Variants in CCSER2 observed in about 807,000 individuals in gnomAD.
CCSER2 encodes the protein coiled-coil serine rich protein 2.
CCSER2 carries 46 observed loss-of-function variants against 92.3 expected under a neutral mutation model. The ratio of observed to expected loss-of-function variants is 0.50; its 90% confidence interval spans 0.39 to 0.64. The LOEUF (loss-of-function observed/expected upper bound fraction) is 0.64, where lower values mean the gene tolerates loss of function less well. Among genes scored for constraint, CCSER2 ranks in the 30% least tolerant of loss-of-function variants. CCSER2 has a pLI of 0.00. For missense variants in CCSER2, 1,244 were observed against 1,238.9 expected, an observed-to-expected ratio of 1.00 and a Z score of -0.06; for synonymous variants, 433 against 431.4, an observed-to-expected ratio of 1.00 and a Z score of -0.04.
chr10:84,335,226 CTCTTTTTTTTTT>C lies in CCSER2; in HGVS notation c.-40+6420_-40+6431del, dbSNP rs1265494278. Among the ~76,000 whole-genome samples the C allele has an allele frequency of 6.2e-3, 594 of 95,086 alleles. 15 individuals are homozygous for C. Among genetic ancestry groups the C allele is most frequent in the Non-Finnish European group, 5.9e-3 (268 of 45,784 alleles). The allele number at this position is 95,086 out of a possible 152,430, so 62.4% of individuals were successfully genotyped here. ...TCCCCAGCATTCTACTTCTCTCTCTCTCTTTTTTTTTTTTTTTTTTTTTTTGAGACAGGGTCT... is the reference window on the plus strand; with the variant it reads ...TCCCCAGCATTCTACTTCTCTCTCTCTTTTTTTTTTTTTGAGACAGGGTCT... On this transcript the variant is annotated intron_variant, in intron 1 of 9. Coordinates refer to ENST00000372088, the MANE Select transcript of CCSER2 (RefSeq NM_001284240.2).
intron 9 of CCSER2, among the ~76,000 whole-genome samples, chr10:84,482,195 T>G (rs140605845): frequency 6.6e-6 from 1 of 151,966 alleles, no homozygotes; most frequent in East Asian, 1.9e-4. Flanking sequence ...GGAAAAGAGA[T>G]AAGAATGAGC....
intron 1 of CCSER2, among the ~76,000 whole-genome samples, chr10:84,358,659 T>C (rs1018254393): frequency 4.1e-5 from 6 of 147,650 alleles, no homozygotes; most frequent in South Asian, 2.1e-4. Flanking sequence ...TATATATATA[T>C]ACATATACAT....
intron 3 of CCSER2, among the ~76,000 whole-genome samples, chr10:84,408,560 G>A (rs1189148276): frequency 6.6e-6 from 1 of 151,888 alleles, no homozygotes; most frequent in East Asian, 1.9e-4. Flanking sequence ...ATTAGAGTAG[G>A]CTCACTCCCA....
At position 84,442,461 on chromosome 10, in the gene CCSER2, T is replaced by G. The variant is rs547773056; in HGVS notation, c.2064+3754T>G. Among the ~76,000 whole-genome samples the G allele has an allele frequency of 3.3e-5, 5 of 152,356 alleles. No individual in the cohort carries two copies. The East Asian group carries it at 7.7e-4, about 23-fold the overall frequency. ...AAAAAGTAGGTTATAAGGCTGTATG[T>G]ATATTATGATCATTTATCTATCTAT... On this transcript the variant is annotated intron_variant, in intron 6 of 9. Transcript: ENST00000372088.
chr10:84,376,023 T>C (rs1417895307), intron 3 of CCSER2, among the ~76,000 whole-genome samples: 2 of 152,110 alleles, frequency 1.3e-5, no homozygotes, highest in African/African-American at 4.8e-5. Context: ...GTGTCACTTC[T>C]AACACAGTTT....
chr10:84,498,550 G>A (rs1848567305), intron 9 of CCSER2, among the ~76,000 whole-genome samples: 1 of 151,922 alleles, frequency 6.6e-6, no homozygotes, highest in African/African-American at 2.4e-5. Context: ...GATTATACCT[G>A]AGTCAAAGAA....
At chr10:84,450,186 TA>T (rs1845188534) in intron 6 of CCSER2, among the ~76,000 whole-genome samples, 6 of 152,256 alleles carry the variant, frequency 3.9e-5, no homozygotes, top group African/African-American at 1.4e-4. Flanking sequence ...GAGATAAAAA[TA>T]AAGAGGACAC....
chr10:84,443,097 C>T (rs1844676422), intron 6 of CCSER2, among the ~76,000 whole-genome samples: 1 of 152,178 alleles, frequency 6.6e-6, no homozygotes, highest in African/African-American at 2.4e-5. Context: ...GCAAAGACAT[C>T]ACGACTAAAA....
chr10:84,343,658 A>G (rs1844325195), intron 1 of CCSER2, among the ~76,000 whole-genome samples: 1 of 152,230 alleles, frequency 6.6e-6, no homozygotes, highest in South Asian at 2.1e-4. Context: ...ACTTTTTACA[A>G]AAAATTTACT....
intron 1 of CCSER2, among the ~76,000 whole-genome samples, chr10:84,335,519 C>T (rs1191941429): frequency 6.6e-6 from 1 of 152,098 alleles, no homozygotes; most frequent in Non-Finnish European, 1.5e-5. Flanking sequence ...GCTGGGATTA[C>T]AGGTGTGAGC....
chr10:84,443,951 A>T (rs375317182), intron 6 of CCSER2, among the ~76,000 whole-genome samples: 1 of 152,034 alleles, frequency 6.6e-6, no homozygotes. Context: ...GTGAGAACAC[A>T]TGGACACAGG....
At chr10:84,426,626 C>T (rs764450463) in intron 5 of CCSER2, among the ~76,000 whole-genome samples, 14 of 152,150 alleles carry the variant, frequency 9.2e-5, no homozygotes, top group Non-Finnish European at 1.6e-4. Flanking sequence ...TTCCTTTTCA[C>T]TTTCTTATCT....
chr10:84,343,777 A>G (rs1844330776), intron 1 of CCSER2, among the ~76,000 whole-genome samples: 1 of 152,232 alleles, frequency 6.6e-6, no homozygotes, highest in African/African-American at 2.4e-5. Flanking sequence ...TAGACATTTT[A>G]TTAATGGGCT....
intron 1 of CCSER2, among the ~76,000 whole-genome samples, chr10:84,338,259 G>C (rs1843953085): frequency 6.7e-6 from 1 of 150,324 alleles, no homozygotes; most frequent in Non-Finnish European, 1.5e-5. Flanking sequence ...ACTCCAGCCT[G>C]GGCAACAAGA....
intron 4 of CCSER2, among the ~76,000 whole-genome samples, chr10:84,423,359 G>A (rs1843249544): frequency 6.6e-6 from 1 of 152,146 alleles, no homozygotes; most frequent in Non-Finnish European, 1.5e-5. Flanking sequence ...TTGTGGTTAT[G>A]GCAAATGTTT....
intron 6 of CCSER2, among the ~76,000 whole-genome samples, chr10:84,449,702 A>G (rs1162586467): frequency 6.6e-6 from 1 of 152,166 alleles, no homozygotes; most frequent in South Asian, 2.1e-4. Flanking sequence ...TAAAAATACA[A>G]AATTAGCTGA....
In CCSER2 at chr10:84,470,443, AT is replaced by A; in HGVS notation, c.2222del (p.Leu741Ter). 2 of 1,412,304 alleles carry A rather than the reference AT, an allele frequency of 1.4e-6. No individual in the cohort carries two copies. Among genetic ancestry groups the A allele is most frequent in the Non-Finnish European group, 1.9e-6 (2 of 1,058,592 alleles). 87.5% of individuals were successfully genotyped at this position (1,412,304 alleles called of 1,614,324 possible). On this transcript the variant is annotated frameshift_variant, in exon 8 of 10. Coordinates refer to ENST00000372088, the MANE Select transcript of CCSER2 (RefSeq NM_001284240.2). LOFTEE classifies it high-confidence loss of function. ...AGAAAAAAGATGAAAAGATCCAACT[AT>A]TAGAACTTCAGCTTGTAAGTATTGT... ...IKKKDEKIQL[L>X]ELQLATQHIC...
chr10:84,385,033 A>ACACACACACC (rs1491585087), intron 3 of CCSER2, among the ~76,000 whole-genome samples: 1 of 151,668 alleles, frequency 6.6e-6, no homozygotes, highest in Non-Finnish European at 1.5e-5. Flanking sequence ...ACACACACAC[A>ACACACACACC]CCCAGGAATA....
At chr10:84,443,077 A>G (rs763411551) in intron 6 of CCSER2, among the ~76,000 whole-genome samples, 1 of 152,236 alleles carries the variant, frequency 6.6e-6, no homozygotes, top group Non-Finnish European at 1.5e-5. Flanking sequence ...CATTCAGGAC[A>G]TAGACATGGG....
Sources: allele counts gnomAD v4.1 joint callset (sites outside exome capture counted in the v4.1 genomes callset), GRCh38; gene constraint gnomAD v4.1.1; transcripts MANE v1.5; gene names NCBI Gene and HGNC (gene_info 2026-07-23, HGNC 2026-07-21).